RSPO2: variants seen among roughly 807,000 people sequenced by gnomAD.
RSPO2 encodes the protein R-spondin 2, also known as R-spondin-2.
A neutral mutation model predicts 30.9 loss-of-function variants in RSPO2; 14 were observed. That is an observed-to-expected ratio of 0.45 (90% CI 0.30 to 0.71). The LOEUF is 0.71. Among genes scored for constraint, RSPO2 ranks in the 30% least tolerant of loss-of-function variants. The pLI is 0.08. For synonymous variants in RSPO2, 107 were observed against 96.4 expected (o/e 1.11, Z -0.64); for missense variants, 264 against 301.9 (o/e 0.87, Z 0.93).
intron 2 of RSPO2, among the ~76,000 whole-genome samples, chr8:108,023,832 T>C (rs1811123745): frequency 6.6e-6 from 1 of 152,168 alleles, no homozygotes; most frequent in African/African-American, 2.4e-5. Flanking sequence ...GTCTGTATCC[T>C]GTATGGGGAG....
chr8:108,038,175 A>G (rs1811653337), intron 2 of RSPO2, among the ~76,000 whole-genome samples: 1 of 152,224 alleles, frequency 6.6e-6, no homozygotes, highest in East Asian at 1.9e-4. Flanking sequence ...CAACATTATC[A>G]GGAGTTAAGT....
chr8:107,925,069 G>C (rs1357790090), intron 5 of RSPO2, among the ~76,000 whole-genome samples: 1 of 151,774 alleles, frequency 6.6e-6, no homozygotes, highest in African/African-American at 2.4e-5. Context: ...TTTTATTCTT[G>C]AGTTATAAAG....
intron 5 of RSPO2, among the ~76,000 whole-genome samples, chr8:107,911,707 G>A (rs1256288073): frequency 6.6e-6 from 1 of 152,172 alleles, no homozygotes; most frequent in South Asian, 2.1e-4. Flanking sequence ...TGAGGAAATA[G>A]GTTTCGAGAA....
rs1428127992 is a variant in RSPO2, at chr8:108,016,964, C to T, written c.95-27720G>A. 2.0e-5 allele frequency among the ~76,000 whole-genome samples: 3 copies of T among 151,504 alleles called. No individual in the cohort carries two copies. In the East Asian group the frequency reaches 5.8e-4, roughly 29 times the overall value. On this transcript the variant is annotated intron_variant, in intron 2 of 5. Coordinates refer to ENST00000276659, the MANE Select transcript of RSPO2 (RefSeq NM_178565.5). ...CTACAAAACCACGAGCCAATTAAACCTCCTTTAAAAAAAAATAAATTACCC... is the reference window on the plus strand; with the variant it reads ...CTACAAAACCACGAGCCAATTAAACTTCCTTTAAAAAAAAATAAATTACCC...
intron 5 of RSPO2, among the ~76,000 whole-genome samples, chr8:107,935,601 T>C (rs1398316853): frequency 1.3e-5 from 2 of 152,106 alleles, no homozygotes; most frequent in African/African-American, 4.8e-5. Flanking sequence ...CACAAAATCA[T>C]GCTCTACTGG....
intron 2 of RSPO2, among the ~76,000 whole-genome samples, chr8:108,014,100 T>A (rs1024488308): frequency 3.9e-5 from 6 of 152,170 alleles, no homozygotes; most frequent in Non-Finnish European, 7.3e-5. Context: ...AACCTCATCA[T>A]CACTGGTCAT....
rs184704273 is a variant in RSPO2 at position 108,063,952 on chromosome 8, G to A, written c.94+18593C>T. 2.5e-3 allele frequency among the ~76,000 whole-genome samples: 383 copies of A among 152,260 alleles called. 3 individuals are homozygous for A. The highest frequency in any genetic ancestry group is 8.8e-3 in the African/African-American group (366 of 41,542). On this transcript the variant is annotated intron_variant, in intron 2 of 5. Coordinates refer to ENST00000276659, the MANE Select transcript of RSPO2 (RefSeq NM_178565.5). ...GAAAGGATTCCCTATTTAATAAATGGTGCTGGGAAAACTGGCTAGCCATAT... is the reference window on the plus strand; with the variant it reads ...GAAAGGATTCCCTATTTAATAAATGATGCTGGGAAAACTGGCTAGCCATAT...
At chr8:108,075,972 A>G (rs1478053411) in intron 2 of RSPO2, among the ~76,000 whole-genome samples, 1 of 152,228 alleles carries the variant, frequency 6.6e-6, no homozygotes, top group African/African-American at 2.4e-5. Flanking sequence ...ATGATGATAC[A>G]TAAGGCAAGA....
chr8:107,994,007 T>C (rs573625864), intron 2 of RSPO2, among the ~76,000 whole-genome samples: 1 of 152,254 alleles, frequency 6.6e-6, no homozygotes, highest in African/African-American at 2.4e-5. Context: ...CCAAAAAAGG[T>C]CACCTTCTAA....
chr8:108,000,784 C>A (rs1450354170), intron 2 of RSPO2, among the ~76,000 whole-genome samples: 1 of 151,926 alleles, frequency 6.6e-6, no homozygotes, highest in Non-Finnish European at 1.5e-5. Flanking sequence ...GGCAGATCAC[C>A]AGGTTAGGAG....
At chr8:107,928,727 G>A (rs776189376) in intron 5 of RSPO2, among the ~76,000 whole-genome samples, 1 of 152,172 alleles carries the variant, frequency 6.6e-6, no homozygotes, top group Non-Finnish European at 1.5e-5. Context: ...TTCATAGCGG[G>A]TATCTTCTCT....
At position 107,899,461 on chromosome 8, in the gene RSPO2, C is replaced by T. The variant is rs979152141; in HGVS notation, c.*1614G>A. The T allele has an allele frequency of 2.6e-5, 4 of 152,564 alleles. No individual in the cohort carries two copies. The highest frequency in any genetic ancestry group is 9.7e-5 in the African/African-American group (4 of 41,410). The allele number at this position is 152,564 out of a possible 1,614,324, so 9.5% of individuals were successfully genotyped here. On this transcript the variant is annotated 3_prime_UTR_variant, in exon 6 of 6. Coordinates refer to ENST00000276659, the MANE Select transcript of RSPO2 (RefSeq NM_178565.5). ...TAAATAGACATGAAAGGAGGTAACA[C>T]TTCAGGATTAAATGTAAACCCTAAA... is the stretch of plus-strand genomic sequence containing the variant.
At chr8:108,069,014 A>T (rs1812758430) in intron 2 of RSPO2, among the ~76,000 whole-genome samples, 1 of 152,252 alleles carries the variant, frequency 6.6e-6, no homozygotes, top group African/African-American at 2.4e-5. Context: ...ATGACTCTAG[A>T]AAAGAATATA....
intron 5 of RSPO2, among the ~76,000 whole-genome samples, chr8:107,935,741 C>T (rs1301055018): frequency 1.3e-5 from 2 of 152,074 alleles, no homozygotes; most frequent in African/African-American, 2.4e-5. Context: ...AGCAAGCCAC[C>T]CTGGGTCAGC....
At chr8:107,932,421 G>T (rs1451490062) in intron 5 of RSPO2, among the ~76,000 whole-genome samples, 3 of 152,140 alleles carry the variant, frequency 2.0e-5, no homozygotes, top group Non-Finnish European at 4.4e-5. Context: ...TTTGAGCAGA[G>T]AATTAGATGT....
chr8:107,905,742 G>A (rs1811618821), intron 5 of RSPO2, among the ~76,000 whole-genome samples: 1 of 150,740 alleles, frequency 6.6e-6, no homozygotes, highest in Non-Finnish European at 1.5e-5. Context: ...AAGTCAGAAG[G>A]ACTGAGTTGT....
At chr8:107,961,542 T>C (rs999214803) in intron 3 of RSPO2, among the ~76,000 whole-genome samples, 1 of 152,188 alleles carries the variant, frequency 6.6e-6, no homozygotes, top group Non-Finnish European at 1.5e-5. Context: ...TCTTTCTCTC[T>C]ATAACTCGCT....
intron 5 of RSPO2, among the ~76,000 whole-genome samples, chr8:107,909,365 C>T (rs548130183): frequency 1.0e-4 from 15 of 149,080 alleles, no homozygotes; most frequent in African/African-American, 3.4e-4. Context: ...TGGCTTCAAG[C>T]GATTCTCCTG....
At chr8:108,061,553 C>T (rs1488465683) in intron 2 of RSPO2, among the ~76,000 whole-genome samples, 1 of 151,688 alleles carries the variant, frequency 6.6e-6, no homozygotes, top group Non-Finnish European at 1.5e-5. Flanking sequence ...TAGAGACCTA[C>T]AAAGAGACTT....
Sources: allele counts gnomAD v4.1 joint callset (sites outside exome capture counted in the v4.1 genomes callset), GRCh38; gene constraint gnomAD v4.1.1; transcripts MANE v1.5; gene names NCBI Gene and HGNC (gene_info 2026-07-23, HGNC 2026-07-21).